Variants in EEA1 observed in about 807,000 individuals in gnomAD.
EEA1 encodes early endosome antigen 1.
Under a neutral mutation model 209.2 loss-of-function variants are expected in EEA1, and 111 were observed. That is an observed-to-expected ratio of 0.53 (90% CI 0.45 to 0.62). The LOEUF (loss-of-function observed/expected upper bound fraction) is 0.62, where lower values mean the gene tolerates loss of function less well. EEA1 is among the 20% of genes least tolerant of loss of function. The pLI is 0.00. For synonymous variants in EEA1, 536 were observed against 540.6 expected, an observed-to-expected ratio of 0.99 and a Z score of 0.12; for missense variants, 1,343 against 1,530.8, an observed-to-expected ratio of 0.88 and a Z score of 2.05.
At chr12:92,890,804 A>G (rs11106736) in intron 2 of EEA1, among the ~76,000 whole-genome samples, 223 of 152,314 alleles carry the variant, frequency 1.5e-3, no homozygotes, top group African/African-American at 5.2e-3. Context: ...CAAAAAATAA[A>G]CACATGGTCA....
chr12:92,902,480 C>T (rs748339794), intron 1 of EEA1, among the ~76,000 whole-genome samples: 12 of 152,142 alleles, frequency 7.9e-5, no homozygotes, highest in Non-Finnish European at 1.2e-4. Context: ...CGATGGCTCA[C>T]GCCTGTAATC....
intron 13 of EEA1, among the ~76,000 whole-genome samples, chr12:92,822,843 C>T (rs1006474677): frequency 1.2e-4 from 19 of 152,080 alleles, no homozygotes; most frequent in African/African-American, 4.6e-4. Flanking sequence ...GCTGGTGCCT[C>T]AAGACACATC....
chr12:92,927,024 A>C (rs1881241515), intron 1 of EEA1, among the ~76,000 whole-genome samples: 1 of 152,216 alleles, frequency 6.6e-6, no homozygotes, highest in Non-Finnish European at 1.5e-5. Context: ...CTGAAACTCA[A>C]TATAAATACA....
chr12:92,781,074 C>T (rs1159025413), intron 23 of EEA1, among the ~76,000 whole-genome samples: 1 of 152,040 alleles, frequency 6.6e-6, no homozygotes, highest in Non-Finnish European at 1.5e-5. Context: ...CCATGCCCAG[C>T]TAAATTTTTT....
chr12:92,912,009 G>A (rs73364459), intron 1 of EEA1, among the ~76,000 whole-genome samples: 2,580 of 152,264 alleles, frequency 0.017, 32 homozygotes, highest in East Asian at 0.04. Flanking sequence ...AGCCCTGGTT[G>A]ATATCGAAAA....
chr12:92,790,325 C>T (rs11836157), intron 21 of EEA1, among the ~76,000 whole-genome samples: 38,479 of 152,108 alleles, frequency 0.25, 5,326 homozygotes, highest in Non-Finnish European at 0.32. Flanking sequence ...TTGGTAATAA[C>T]GAACTTCTCC....
chr12:92,900,592 G>T (rs544682344), intron 1 of EEA1, among the ~76,000 whole-genome samples: 2 of 151,434 alleles, frequency 1.3e-5, no homozygotes, highest in African/African-American at 4.8e-5. Flanking sequence ...ATACACTCAT[G>T]GATGTGGCAA....
chr12:92,778,197 T>C lies in EEA1; in HGVS notation c.3655-18A>G. The C allele has an allele frequency of 6.3e-7, 1 of 1,589,880 alleles. No individual in the cohort carries two copies. The highest frequency in any genetic ancestry group is 1.1e-5 in the South Asian group (1 of 89,146). ...TCGGAATGCTGAAAAAAAGGAAAAG[T>C]TGGGGGGAAATCTATTACAAAAGTA... is the stretch of plus-strand genomic sequence containing the variant. On this transcript the variant is annotated intron_variant, in intron 25 of 28. Coordinates refer to ENST00000322349, the MANE Select transcript of EEA1 (RefSeq NM_003566.4).
At chr12:92,862,958 T>C (rs985194986) in intron 3 of EEA1, among the ~76,000 whole-genome samples, 28 of 152,110 alleles carry the variant, frequency 1.8e-4, no homozygotes, top group Admixed American at 1.0e-3. Flanking sequence ...AATGATGAGG[T>C]GCCTCCAGAA....
intron 16 of EEA1, among the ~76,000 whole-genome samples, chr12:92,812,763 A>T (rs774786729): frequency 2.0e-5 from 3 of 152,218 alleles, no homozygotes; most frequent in Non-Finnish European, 4.4e-5. Flanking sequence ...CCACACCTGC[A>T]CACTAGTAGA....
At chr12:92,886,794 C>T (rs948752602) in intron 2 of EEA1, among the ~76,000 whole-genome samples, 1 of 151,974 alleles carries the variant, frequency 6.6e-6, no homozygotes, top group African/African-American at 2.4e-5. Flanking sequence ...GTCAGGAGAT[C>T]GAGACCATCC....
intron 1 of EEA1, among the ~76,000 whole-genome samples, chr12:92,914,545 G>C (rs1880692806): frequency 6.6e-6 from 1 of 152,084 alleles, no homozygotes; most frequent in African/African-American, 2.4e-5. Context: ...TTGCATTGAG[G>C]CTGGGTACAC....
rs1377517492 is a variant in EEA1 at position 92,771,374 on chromosome 12, AT to A, written c.*4636del. The A allele has an allele frequency of 1.3e-5, 2 of 152,106 alleles. No homozygotes were observed. The highest frequency in any genetic ancestry group is 2.9e-5 in the Non-Finnish European group (2 of 67,970). The allele number at this position is 152,106 out of a possible 1,614,324, so 9.4% of individuals were successfully genotyped here. A position where few individuals can be genotyped will look rare whatever the true frequency, so the allele number is the denominator to read the frequency against. Reference sequence around the variant, plus strand: ...TCCTTGAGGAAGGTGAAATTTCACTATGCAAACAAAGCAGTAAAGACAAGTG... The same window carrying A: ...TCCTTGAGGAAGGTGAAATTTCACTAGCAAACAAAGCAGTAAAGACAAGTG... On this transcript the variant is annotated 3_prime_UTR_variant, in exon 29 of 29. Transcript: ENST00000322349.
chr12:92,925,094 C>T (rs1881158479), intron 1 of EEA1, among the ~76,000 whole-genome samples: 1 of 150,730 alleles, frequency 6.6e-6, no homozygotes, highest in African/African-American at 2.4e-5. Context: ...CTCTCTCTTC[C>T]ACTGGACGCT....
Position 92,884,460 on chromosome 12 carries a change from G to A in EEA1, c.117+7169C>T, listed in dbSNP as rs886987886. 1.5e-5 allele frequency: 22 copies of A among 1,471,886 alleles called. No homozygotes were observed. In the African/African-American group the frequency reaches 2.5e-4, roughly 17 times the overall value. 91.2% of individuals were successfully genotyped at this position (1,471,886 alleles called of 1,614,324 possible). ...AGTGGTGGTGGTGGATATGGTGGCAGTGGGGATGGCTATAATGGATTTGGT... is the reference window on the plus strand; with the variant it reads ...AGTGGTGGTGGTGGATATGGTGGCAATGGGGATGGCTATAATGGATTTGGT... On this transcript the variant is annotated intron_variant, in intron 2 of 28. Transcript: ENST00000322349.
intron 3 of EEA1, among the ~76,000 whole-genome samples, chr12:92,862,034 T>C (rs1878176139): frequency 6.6e-6 from 1 of 152,206 alleles, no homozygotes; most frequent in African/African-American, 2.4e-5. Context: ...TATAAGCTGA[T>C]GAACAGAAGG....
rs1487643118 is a variant in EEA1, at chr12:92,781,973, G to A, written c.3313C>T (p.Leu1105=). 5 of 1,612,086 alleles carry A rather than the reference G, an allele frequency of 3.1e-6. No individual in the cohort carries two copies. Among genetic ancestry groups the A allele is most frequent in the Non-Finnish European group, 4.2e-6 (5 of 1,178,722 alleles). The stretch of plus-strand genomic sequence containing the variant: ...ACCTTTTCTTTCTGAATGTCTTGTA[G>A]TGCTTTACATCGCTCCTGCAATTGC... The part of the protein sequence containing the change: ...EQQLQERCKA[L]QDIQKEKSLK... Residue 1105 remains leucine, a synonymous_variant, in exon 23 of 29, where the codon CTA becomes TTA. Transcript: ENST00000322349.
chr12:92,897,650 T>C (rs1016888767), intron 1 of EEA1, among the ~76,000 whole-genome samples: 2 of 152,134 alleles, frequency 1.3e-5, no homozygotes, highest in African/African-American at 4.8e-5. Context: ...TCCAATTCTT[T>C]ATTCAAAACG....
At chr12:92,892,210 C>T (rs1410679429) in intron 1 of EEA1, among the ~76,000 whole-genome samples, 2 of 152,098 alleles carry the variant, frequency 1.3e-5, no homozygotes, top group Non-Finnish European at 2.9e-5. Flanking sequence ...CCTATCTCAG[C>T]TACCCAAGTA....
Sources: allele counts gnomAD v4.1 joint callset (sites outside exome capture counted in the v4.1 genomes callset), GRCh38; gene constraint gnomAD v4.1.1; transcripts MANE v1.5; gene names NCBI Gene and HGNC (gene_info 2026-07-23, HGNC 2026-07-21).